PHACTR4: variants seen among roughly 807,000 people sequenced by gnomAD.
The protein encoded by PHACTR4 is phosphatase and actin regulator 4, also known as protein phosphatase 1, regulatory subunit 124.
A neutral mutation model predicts 72.7 loss-of-function variants in PHACTR4; 51 were observed. The observed-to-expected ratio is 0.70, with a 90% CI of 0.56 to 0.89. PHACTR4 has a LOEUF of 0.89. Ranked by LOEUF, PHACTR4 falls within the 40% of genes least tolerant of loss-of-function variation. PHACTR4 has a pLI of 0.00. For missense variants in PHACTR4, 731 were observed against 861.8 expected, an observed-to-expected ratio of 0.85 and a Z score of 1.90; for synonymous variants, 255 against 302.5, an observed-to-expected ratio of 0.84 and a Z score of 1.63.
chr1:28,486,130 G>C (rs1013273885), intron 9 of PHACTR4, among the ~76,000 whole-genome samples: 5 of 152,124 alleles, frequency 3.3e-5, no homozygotes, highest in African/African-American at 1.2e-4. Flanking sequence ...GCCGAGGCAG[G>C]CAGATCACCT....
At chr1:28,444,862 C>T (rs139582986) in intron 2 of PHACTR4, among the ~76,000 whole-genome samples, 15,253 of 149,840 alleles carry the variant, frequency 0.1, 1,803 homozygotes, top group African/African-American at 0.29. Flanking sequence ...CTCCTGACCT[C>T]GTGATCCACT....
At chr1:28,470,334 A>G (rs1349884575) in intron 6 of PHACTR4, among the ~76,000 whole-genome samples, 3 of 152,022 alleles carry the variant, frequency 2.0e-5, no homozygotes, top group Non-Finnish European at 4.4e-5. Context: ...TCAAGGCTGC[A>G]GTGAGTTATG....
intron 2 of PHACTR4, among the ~76,000 whole-genome samples, chr1:28,432,752 A>T (rs1465273099): frequency 6.6e-6 from 1 of 151,674 alleles, no homozygotes; most frequent in Admixed American, 6.6e-5. Context: ...AAGGTGTTTT[A>T]TTTTTTTTGA....
intron 7 of PHACTR4, 119 bp downstream of exon 7, chr1:28,474,270 A>G: frequency 1.0e-6 from 1 of 954,118 alleles, no homozygotes; most frequent in Non-Finnish European, 1.6e-6. Context: ...CTGTAAGCCC[A>G]GCACTTTGGG....
chr1:28,372,204 G>A (rs900184389), intron 1 of PHACTR4, among the ~76,000 whole-genome samples: 4 of 152,072 alleles, frequency 2.6e-5, no homozygotes, highest in African/African-American at 9.7e-5. Context: ...TTCTAAAGAA[G>A]GTCATTGCAA....
At chr1:28,486,222 A>G (rs1475350978) in intron 9 of PHACTR4, among the ~76,000 whole-genome samples, 2 of 150,990 alleles carry the variant, frequency 1.3e-5, no homozygotes, top group African/African-American at 4.9e-5. Flanking sequence ...TGGGCGTGGT[A>G]GCACATGCCT....
intron 1 of PHACTR4, among the ~76,000 whole-genome samples, chr1:28,383,061 G>A (rs2124153856): frequency 6.6e-6 from 1 of 152,278 alleles, no homozygotes; most frequent in Non-Finnish European, 1.5e-5. Context: ...CCAAAGTGTT[G>A]GGATTACAGG....
intron 2 of PHACTR4, among the ~76,000 whole-genome samples, chr1:28,438,820 G>A (rs1374780550): frequency 1.3e-5 from 2 of 152,152 alleles, no homozygotes; most frequent in Non-Finnish European, 2.9e-5. Flanking sequence ...AAATAGAACT[G>A]TTGACTTCTA....
chr1:28,369,896 C>T, intron 1 of PHACTR4, 71 bp downstream of exon 1: 1 of 405,248 alleles, frequency 2.5e-6, no homozygotes, highest in Non-Finnish European at 4.8e-6. Context: ...TCTCAGGCTG[C>T]GGCCCCTTTC....
At chr1:28,381,101 C>T (rs12137056) in intron 1 of PHACTR4, among the ~76,000 whole-genome samples, 57,320 of 149,476 alleles carry the variant, frequency 0.38, 12,617 homozygotes, top group African/African-American at 0.6. Context: ...CTCTGCCTCC[C>T]GGGTTCAAGC....
In PHACTR4 at chr1:28,460,261, AAG is replaced by A. The variant is rs766210011; in HGVS notation, c.243_244del (p.Val83SerfsTer6). 13 of 1,613,736 alleles carry A rather than the reference AAG, an allele frequency of 8.1e-6. No individual in the cohort carries two copies. Among genetic ancestry groups the A allele is most frequent in the Non-Finnish European group, 1.0e-5 (12 of 1,179,854 alleles). On this transcript the variant is annotated frameshift_variant, in exon 4 of 14. Transcript: ENST00000373839. LOFTEE classifies it high-confidence loss of function. ...MRKPREELVKRGVLLEDPEQG... is the reference protein window; with the variant it reads ...MRKPREELVKXGVLLEDPEQG... The stretch of plus-strand genomic sequence containing the variant: ...GAAAGCCAAGAGAAGAGCTGGTTAA[AAG>A]AGGGGTTCTGTTGGAAGACCCTGAG...
intron 12 of PHACTR4, among the ~76,000 whole-genome samples, chr1:28,492,583 G>A (rs1287833353): frequency 6.6e-6 from 1 of 151,968 alleles, no homozygotes; most frequent in Non-Finnish European, 1.5e-5. Context: ...CCAACATGGT[G>A]AAACCCTGTC....
intron 2 of PHACTR4, among the ~76,000 whole-genome samples, chr1:28,418,308 C>CA (rs1197069007): frequency 0.038 from 4,911 of 130,044 alleles, 137 homozygotes; most frequent in African/African-American, 0.09. Flanking sequence ...ACTAAAAATA[C>CA]AAAAAAAAAA....
At chr1:28,491,039 C>T (rs1481796654) in intron 11 of PHACTR4, 27 bp downstream of exon 11, 2 of 1,597,390 alleles carry the variant, frequency 1.3e-6, no homozygotes, top group African/African-American at 2.7e-5. Flanking sequence ...GTTCAGTTAA[C>T]TATATGTGTT....
chr1:28,438,435 G>A (rs1346715630), intron 2 of PHACTR4: 3 of 1,612,660 alleles, frequency 1.9e-6, no homozygotes, highest in Non-Finnish European at 2.5e-6. Flanking sequence ...CAGTTGGTGA[G>A]TAATAGAAGG....
intron 2 of PHACTR4, among the ~76,000 whole-genome samples, chr1:28,443,050 C>T (rs1209633431): frequency 6.6e-6 from 1 of 152,014 alleles, no homozygotes; most frequent in African/African-American, 2.4e-5. Context: ...ATTTTGTATT[C>T]TTTAACAAAT....
chr1:28,473,617 C>G lies in PHACTR4; in HGVS notation c.887C>G (p.Pro296Arg). 1 of 1,614,052 alleles carries G rather than the reference C, an allele frequency of 6.2e-7. No individual in the cohort carries two copies. The highest frequency in any genetic ancestry group is 1.3e-5 in the African/African-American group (1 of 75,016). ...LLSKPSPPLP[P>R]KRGIPSTSVP... ...TCAAAACCGTCCCCACCCTTACCAC[C>G]TAAGAGAGGCATTCCATCAACCTCA... Residue 296 changes from proline to arginine, a missense_variant, in exon 7 of 14, where the codon CCT becomes CGT. Around this residue, in one of 2 missense-constraint regions of PHACTR4, gnomAD observed 621 missense variants for 676.6 expected, o/e 0.92. Coordinates refer to ENST00000373839, the MANE Select transcript of PHACTR4 (RefSeq NM_001048183.3).
intron 1 of PHACTR4, among the ~76,000 whole-genome samples, chr1:28,400,346 C>T (rs2124244846): frequency 6.7e-6 from 1 of 149,924 alleles, no homozygotes; most frequent in African/African-American, 2.5e-5. Flanking sequence ...GCACTCCAGC[C>T]TGGGTGACAG....
chr1:28,437,551 T>C (rs1656710325), intron 2 of PHACTR4, among the ~76,000 whole-genome samples: 1 of 152,194 alleles, frequency 6.6e-6, no homozygotes, highest in Non-Finnish European at 1.5e-5. Flanking sequence ...TTTCTAACAG[T>C]TCTGGATACT....
Sources: allele counts gnomAD v4.1 joint callset (sites outside exome capture counted in the v4.1 genomes callset), GRCh38; gene constraint gnomAD v4.1.1; regional missense constraint gnomAD v4.1.1; transcripts MANE v1.5; gene names NCBI Gene and HGNC (gene_info 2026-07-23, HGNC 2026-07-21).